Variants in PIGA observed in about 807,000 individuals in gnomAD.
PIGA encodes the protein phosphatidylinositol N-acetylglucosaminyltransferase subunit A.
Under a neutral mutation model 17.1 loss-of-function variants are expected in PIGA, and 3 were observed. The ratio of observed to expected loss-of-function variants is 0.18; its 90% CI spans 0.08 to 0.45. PIGA has a LOEUF of 0.45. Among genes scored for constraint, PIGA ranks in the 20% least tolerant of loss-of-function variants. PIGA has a pLI of 0.99. For synonymous variants in PIGA, 126 were observed against 135.1 expected (o/e 0.93, Z 0.47); for missense variants, 231 against 374.1 (o/e 0.62, Z 3.16).
chrX:15,335,224 G>A, intron 1 of PIGA: 2 of 290,257 alleles, frequency 6.9e-6, no homozygotes, highest in East Asian at 4.9e-5. Context: ...CCCAAAGAGA[G>A]AAAGAAAACA....
At chrX:15,332,880 C>T (rs1192014577) in intron 1 of PIGA, among the ~76,000 whole-genome samples, 2 of 112,036 alleles carry the variant, frequency 1.8e-5, no homozygotes, top group African/African-American at 6.5e-5. Context: ...CAGCTAAATG[C>T]AGCCTCCTAG....
In PIGA at chrX:15,324,634, A is replaced by G. The variant is rs779389596; in HGVS notation, c.1188+31T>C. ...TACGTGAAACATCAAGTAAGAGTTC[A>G]GACACAATCTTTTCTCAGCATGTGA... On this transcript the variant is annotated intron_variant, in intron 5 of 5. Coordinates refer to ENST00000333590, the MANE Select transcript of PIGA (RefSeq NM_002641.4). The G allele has an allele frequency of 3.8e-6, 4 of 1,056,725 alleles. No homozygotes were observed. In the Admixed American group the frequency reaches 9.0e-5, roughly 24 times the overall value. 87.1% of individuals were successfully genotyped at this position (1,056,725 alleles called of 1,213,427 possible).
rs1409759726 is a variant in PIGA at position 15,325,805 on chromosome X, TA to T, written c.848+108del. 7.7e-5 allele frequency: 42 copies of T among 545,950 alleles called. 1 individual carries two copies. Among genetic ancestry groups the T allele is most frequent in the Middle Eastern group, 1.2e-3 (2 of 1,649 alleles). 45.0% of individuals were successfully genotyped at this position (545,950 alleles called of 1,213,427 possible). A position where few individuals can be genotyped will look rare whatever the true frequency, so the allele number is the denominator to read the frequency against. ...ATTAGATTTATATCAATTATATGTA[TA>T]TCAATTACATGCAGGAGAAGCAACA... On this transcript the variant is annotated intron_variant, in intron 3 of 5. Coordinates refer to ENST00000333590, the MANE Select transcript of PIGA (RefSeq NM_002641.4).
intron 2 of PIGA, among the ~76,000 whole-genome samples, chrX:15,329,915 CT>C (rs1922101618): frequency 9.0e-6 from 1 of 111,004 alleles, no homozygotes; most frequent in Non-Finnish European, 1.9e-5. Context: ...GAAACCTTGT[CT>C]CTACTAAAAA....
At chrX:15,327,304 C>T (rs368384134) in intron 2 of PIGA, 2 of 109,815 alleles carry the variant, frequency 1.8e-5, no homozygotes, top group South Asian at 3.9e-4. Context: ...ATAAAATAAT[C>T]CACCTAGAGC....
At chrX:15,335,269 T>A (rs1261091230) in intron 1 of PIGA, 2 of 303,742 alleles carry the variant, frequency 6.6e-6, no homozygotes, top group Non-Finnish European at 1.1e-5. Flanking sequence ...GGCCCGGGGT[T>A]CCGGAGACCC....
At chrX:15,326,367 T>A (rs1921973276) in intron 2 of PIGA, 1 of 119,925 alleles carries the variant, frequency 8.3e-6, no homozygotes, top group Non-Finnish European at 1.7e-5. Context: ...AAAAAAGGTA[T>A]ATTTAAGGTG....
At chrX:15,323,927 G>C (rs950454272) in intron 5 of PIGA, among the ~76,000 whole-genome samples, 11 of 111,858 alleles carry the variant, frequency 9.8e-5, no homozygotes, top group African/African-American at 3.6e-4. Flanking sequence ...CTTGTTACAT[G>C]GTAATAAGAG....
At chrX:15,328,919 T>C (rs1922067209) in intron 2 of PIGA, 1 of 112,280 alleles carries the variant, frequency 8.9e-6, no homozygotes, top group Admixed American at 9.4e-5. Context: ...AAAAAACACA[T>C]CACTAATGTC....
At chrX:15,334,448 C>T (rs1210057617) in intron 1 of PIGA, among the ~76,000 whole-genome samples, 1 of 110,579 alleles carries the variant, frequency 9.0e-6, no homozygotes, top group Non-Finnish European at 1.9e-5. Flanking sequence ...CCTCGGCCTC[C>T]CAAAGTGCTG....
chrX:15,320,120 T>G lies in PIGA; in HGVS notation c.*1386A>C, dbSNP rs1279838486. On this transcript the variant is annotated 3_prime_UTR_variant, in exon 6 of 6. Coordinates refer to ENST00000333590, the MANE Select transcript of PIGA (RefSeq NM_002641.4). ...ACAAACAAAACACAAATATATTTCT[T>G]TTATATCAGTGCAACCAGTTAATAG... 1 of 112,892 alleles carries G rather than the reference T, an allele frequency of 8.9e-6. No homozygotes were observed. Among genetic ancestry groups the G allele is most frequent in the Non-Finnish European group, 1.9e-5 (1 of 53,371 alleles). 9.3% of individuals were successfully genotyped at this position (112,892 alleles called of 1,213,427 possible).
chrX:15,331,641 A>G lies in PIGA; in HGVS notation c.290T>C (p.Met97Thr), dbSNP rs1922159113. 6 of 1,210,299 alleles carry G rather than the reference A, an allele frequency of 5.0e-6. No homozygotes were observed. The highest frequency in any genetic ancestry group is 2.2e-5 in the Admixed American group (1 of 45,852). ...GGTCGTGGCTGTAGACTGGTTGTAC[A>G]TGACTTTCAGAGGCAAGTAATAGAC... ...LKVYYLPLKVMYNQSTATTLF... is the reference protein window; with the variant it reads ...LKVYYLPLKVTYNQSTATTLF... The change falls in exon 2 of 6, where the codon ATG becomes ACG. Residue 97 changes from methionine (M) to threonine (T), a missense_variant. This residue lies in a region of PIGA where 29 missense variants were observed against 36.6 expected (regional missense o/e 0.79). Transcript: ENST00000333590.
At chrX:15,321,845 C>T (rs1921828946) in intron 5 of PIGA, 73 bp from the exon 6 acceptor site, 2 of 961,169 alleles carry the variant, frequency 2.1e-6, no homozygotes, top group Non-Finnish European at 1.5e-6. Flanking sequence ...AAACAATGAC[C>T]CGATCCTGCA....
intron 2 of PIGA, chrX:15,326,491 A>C (rs1921977387): frequency 8.9e-6 from 1 of 112,215 alleles, no homozygotes. Context: ...CAAGATCTAT[A>C]AAATAAAGAT....
In PIGA at chrX:15,325,938, C is replaced by T; in HGVS notation, c.824G>A (p.Arg275Gln). The change falls in exon 3 of 6, where the codon CGG becomes CAG. Residue 275 changes from arginine to glutamine, a missense_variant. Transcript: ENST00000333590. Reference protein sequence around the residue: ...GPKRIILEEVRERYQLHDRVR... With the variant: ...GPKRIILEEVQERYQLHDRVR... ...CCTGTCATGCAGCTGGTATCTTTCC[C>T]GAACTTCTTCCAAAATGATTCTCTT... 2.5e-6 allele frequency: 3 copies of T among 1,200,410 alleles called. No individual in the cohort carries two copies. Among genetic ancestry groups the T allele is most frequent in the Non-Finnish European group, 3.4e-6 (3 of 888,178 alleles).
rs1241029761 is a variant in PIGA at position 15,319,963 on chromosome X, A to G, written c.*1543T>C. The G allele has an allele frequency of 2.7e-5, 3 of 112,112 alleles. No individual in the cohort carries two copies. Among genetic ancestry groups the G allele is most frequent in the Non-Finnish European group, 5.6e-5 (3 of 53,214 alleles). 9.2% of individuals were successfully genotyped at this position (112,112 alleles called of 1,213,427 possible). ...TATGAATACTGGCACTGTTTATTTC[A>G]TGTTTATATGTGAGTTTCTATGCAT... On this transcript the variant is annotated 3_prime_UTR_variant, in exon 6 of 6. Transcript: ENST00000333590.
At chrX:15,322,352 A>G (rs1441561740) in intron 5 of PIGA, among the ~76,000 whole-genome samples, 2 of 112,004 alleles carry the variant, frequency 1.8e-5, no homozygotes. Flanking sequence ...GGACATGCAG[A>G]AGCATTTCAT....
chrX:15,323,491 T>G (rs1195724203), intron 5 of PIGA, among the ~76,000 whole-genome samples: 1 of 111,122 alleles, frequency 9.0e-6, no homozygotes, highest in Non-Finnish European at 1.9e-5. Context: ...TGACATGTAC[T>G]CCCAACAGGT....
chrX:15,327,664 T>C (rs925599488), intron 2 of PIGA: 2 of 112,117 alleles, frequency 1.8e-5, no homozygotes, highest in Non-Finnish European at 3.8e-5. Flanking sequence ...TAATGACTTT[T>C]AACATTTAGT....
Sources: gnomAD v4.1 joint callset for allele counts (sites outside exome capture counted in the v4.1 genomes callset) on GRCh38, gnomAD v4.1.1 for gene constraint, gnomAD v4.1.1 regional missense constraint, MANE v1.5 for transcripts, NCBI Gene and HGNC (gene_info 2026-07-23, HGNC 2026-07-21) for gene names.